NCAM1: variants seen among roughly 807,000 people sequenced by gnomAD.
NCAM1 encodes neural cell adhesion molecule 1.
A neutral mutation model predicts 109.8 loss-of-function variants in NCAM1; 14 were observed. The observed-to-expected ratio is 0.13, with a 90% CI of 0.08 to 0.20. The LOEUF is 0.20. Among genes scored for constraint, NCAM1 ranks in the 10% least tolerant of loss-of-function variants. The pLI, the probability that NCAM1 is intolerant of heterozygous loss-of-function variation, is 1.00. For missense variants in NCAM1, 774 were observed against 1,109.9 expected (o/e 0.70, Z 4.30); for synonymous variants, 418 against 442.9 (o/e 0.94, Z 0.70).
intron 1 of NCAM1, among the ~76,000 whole-genome samples, chr11:113,056,261 G>A (rs1173699206): frequency 6.6e-6 from 1 of 151,400 alleles, no homozygotes. Context: ...GGGAGAAAGG[G>A]AAATGAAGAG....
intron 1 of NCAM1, among the ~76,000 whole-genome samples, chr11:113,094,539 T>G (rs1387792639): frequency 6.6e-6 from 1 of 152,108 alleles, no homozygotes; most frequent in Non-Finnish European, 1.5e-5. Context: ...TCTTCCACCC[T>G]CAATCCTGCA....
chr11:113,154,763 A>G (rs1591371829), intron 1 of NCAM1, among the ~76,000 whole-genome samples: 1 of 152,326 alleles, frequency 6.6e-6, no homozygotes, highest in Middle Eastern at 3.4e-3. Context: ...GAGATGGGAC[A>G]GAATTGTAAG....
Position 112,996,439 on chromosome 11 carries a change from G to A in NCAM1, c.52+34775G>A, listed in dbSNP as rs186727155. 1.7e-3 allele frequency among the ~76,000 whole-genome samples: 255 copies of A among 152,230 alleles called. 1 individual carries two copies. The highest frequency in any genetic ancestry group is 5.9e-3 in the African/African-American group (246 of 41,538). On this transcript the variant is annotated intron_variant, in intron 1 of 19. Coordinates refer to ENST00000316851, the MANE Select transcript of NCAM1 (RefSeq NM_181351.5). ...TGTACTTTCTTTTAACATTGGTAAGGCATTCACTGATATGACATAACGTAC... is the reference window on the plus strand; with the variant it reads ...TGTACTTTCTTTTAACATTGGTAAGACATTCACTGATATGACATAACGTAC...
At chr11:113,131,070 A>C (rs2136118754) in intron 1 of NCAM1, among the ~76,000 whole-genome samples, 1 of 152,310 alleles carries the variant, frequency 6.6e-6, no homozygotes, top group South Asian at 2.1e-4. Context: ...GCTTGACCTA[A>C]ACCAACTGGG....
At position 113,271,856 on chromosome 11, in the gene NCAM1, C is replaced by G. The variant is rs781791848; in HGVS notation, c.2436C>G (p.Thr812=). The change falls in exon 19 of 20, where the codon ACC becomes ACG. Residue 812 remains threonine, a synonymous_variant. Transcript: ENST00000316851. Reference sequence around the variant, plus strand: ...GGAAACACACAGAGCCCAACGAGACCACGCCACTGACGGAGCCCGAGTACG... The same window carrying G: ...GGAAACACACAGAGCCCAACGAGACGACGCCACTGACGGAGCCCGAGTACG... The part of the protein sequence containing the change: ...DGGKHTEPNE[T]TPLTEPEKGP... The G allele has an allele frequency of 2.5e-6, 4 of 1,569,974 alleles. No homozygotes were observed. The highest frequency in any genetic ancestry group is 3.5e-6 in the Non-Finnish European group (4 of 1,157,972).
At chr11:113,140,334 C>T (rs574987908) in intron 1 of NCAM1, among the ~76,000 whole-genome samples, 1 of 152,152 alleles carries the variant, frequency 6.6e-6, no homozygotes, top group African/African-American at 2.4e-5. Context: ...TAGTTGAACA[C>T]TGTCCCATGG....
chr11:113,250,252 G>A (rs2137503519), intron 15 of NCAM1, among the ~76,000 whole-genome samples: 1 of 152,286 alleles, frequency 6.6e-6, no homozygotes, highest in South Asian at 2.1e-4. Flanking sequence ...TAGCCAGGTA[G>A]GTTACCAAAA....
intron 1 of NCAM1, among the ~76,000 whole-genome samples, chr11:113,185,225 A>G (rs1943473725): frequency 6.6e-6 from 1 of 151,996 alleles, no homozygotes; most frequent in Admixed American, 6.6e-5. Context: ...ATCTGAGTCC[A>G]AGAACCAAGA....
intron 1 of NCAM1, among the ~76,000 whole-genome samples, chr11:113,020,492 GA>G (rs1309444070): frequency 1.3e-5 from 2 of 152,028 alleles, no homozygotes; most frequent in African/African-American, 4.8e-5. Context: ...TATTACCTTT[GA>G]ACTGTCCCTT....
At chr11:112,987,659 T>C (rs1291354208) in intron 1 of NCAM1, among the ~76,000 whole-genome samples, 1 of 152,140 alleles carries the variant, frequency 6.6e-6, no homozygotes, top group Non-Finnish European at 1.5e-5. Flanking sequence ...TTGTCTCTTT[T>C]TACAGTTTTT....
chr11:113,192,014 A>C (rs1943693055), intron 1 of NCAM1, among the ~76,000 whole-genome samples: 1 of 152,242 alleles, frequency 6.6e-6, no homozygotes, highest in Admixed American at 6.5e-5. Context: ...AATGTAAAGA[A>C]TAAAACATCT....
At chr11:113,027,729 G>T (rs946466632) in intron 1 of NCAM1, among the ~76,000 whole-genome samples, 1 of 152,158 alleles carries the variant, frequency 6.6e-6, no homozygotes, top group African/African-American at 2.4e-5. Flanking sequence ...TCCAAATAAC[G>T]AAAGACCTGA....
At chr11:112,961,948 G>T (rs1181470099) in intron 1 of NCAM1, among the ~76,000 whole-genome samples, 1 of 152,036 alleles carries the variant, frequency 6.6e-6, no homozygotes, top group African/African-American at 2.4e-5. Flanking sequence ...GAGCAGAGCC[G>T]GCCGGCTCCT....
At chr11:113,260,007 A>T in intron 16 of NCAM1, 139 bp from the exon 17 acceptor site, 1 of 731,586 alleles carries the variant, frequency 1.4e-6, no homozygotes, top group Non-Finnish European at 2.2e-6. Context: ...GCCCACCCCC[A>T]TCATTGCTTC....
chr11:113,173,876 A>G (rs1216291218), intron 1 of NCAM1, among the ~76,000 whole-genome samples: 1 of 151,968 alleles, frequency 6.6e-6, no homozygotes, highest in Admixed American at 6.6e-5. Flanking sequence ...TTTATGAGTA[A>G]AGATGGTGGA....
chr11:112,982,534 G>GCT (rs1951180302), intron 1 of NCAM1, among the ~76,000 whole-genome samples: 2 of 151,778 alleles, frequency 1.3e-5, no homozygotes, highest in Admixed American at 1.3e-4. Context: ...CAGTAGTCAG[G>GCT]GGGTAGGAGG....
At chr11:112,967,375 GA>G (rs1305769326) in intron 1 of NCAM1, among the ~76,000 whole-genome samples, 26 of 152,312 alleles carry the variant, frequency 1.7e-4, no homozygotes, top group African/African-American at 5.8e-4. Flanking sequence ...GAATTAAAAG[GA>G]GTGAGATGAC....
At chr11:113,187,868 G>T (rs1943561239) in intron 1 of NCAM1, among the ~76,000 whole-genome samples, 1 of 152,174 alleles carries the variant, frequency 6.6e-6, no homozygotes, top group Non-Finnish European at 1.5e-5. Flanking sequence ...TTGGTTGTCA[G>T]GTTATTACCA....
chr11:113,208,874 T>G (rs1269190168), intron 7 of NCAM1, among the ~76,000 whole-genome samples: 1 of 152,210 alleles, frequency 6.6e-6, no homozygotes, highest in Admixed American at 6.5e-5. Context: ...CCTTGGTAAC[T>G]TTAGTGGTCG....
Sources: gnomAD v4.1 joint callset for allele counts (sites outside exome capture counted in the v4.1 genomes callset) on GRCh38, gnomAD v4.1.1 for gene constraint, MANE v1.5 for transcripts, NCBI Gene and HGNC (gene_info 2026-07-23, HGNC 2026-07-21) for gene names.